Variants in CRYBB2 observed in about 807,000 individuals in gnomAD.
CRYBB2 encodes the protein beta-crystallin B2.
A neutral mutation model predicts 24.3 loss-of-function variants in CRYBB2; 12 were observed. The ratio of observed to expected loss-of-function variants is 0.49; its 90% CI spans 0.32 to 0.80. The LOEUF (loss-of-function observed/expected upper bound fraction) is 0.80, where lower values mean the gene tolerates loss of function less well. Ranked by LOEUF, CRYBB2 falls within the 30% of genes least tolerant of loss-of-function variation. CRYBB2 has a pLI of 0.04. For missense variants in CRYBB2, 198 were observed against 268.5 expected, an observed-to-expected ratio of 0.74 and a Z score of 1.83; for synonymous variants, 98 against 101.6, an observed-to-expected ratio of 0.96 and a Z score of 0.21.
At chr22:25,230,318 A>T (rs984849782) in intron 5 of CRYBB2, among the ~76,000 whole-genome samples, 1 of 150,220 alleles carries the variant, frequency 6.7e-6, no homozygotes, top group East Asian at 2.0e-4. Flanking sequence ...CACCAAGCTC[A>T]GCTGATTTTT....
At chr22:25,221,262 C>T (rs936398358) in intron 1 of CRYBB2, 142 bp from the exon 2 acceptor site, 15 of 660,972 alleles carry the variant, frequency 2.3e-5, no homozygotes, top group South Asian at 9.3e-5. Context: ...TAGCTGCTTA[C>T]GGACCCCACA....
At chr22:25,214,178 A>C (rs1266583230) in intron 1 of CRYBB2, among the ~76,000 whole-genome samples, 1 of 152,098 alleles carries the variant, frequency 6.6e-6, no homozygotes, top group Non-Finnish European at 1.5e-5. Flanking sequence ...ATCCCTAAAA[A>C]ATTTTTTTAA....
upstream of CRYBB2, among the ~76,000 whole-genome samples, chr22:25,212,170 C>T (rs1005191219): frequency 1.3e-5 from 2 of 152,236 alleles, no homozygotes; most frequent in Non-Finnish European, 2.9e-5. Context: ...AACAGACAGG[C>T]TTCCAGAGCT....
chr22:25,226,166 CTCTG>C (rs958175654), intron 3 of CRYBB2, among the ~76,000 whole-genome samples: 6 of 99,920 alleles, frequency 6.0e-5, no homozygotes, highest in South Asian at 4.1e-4. Flanking sequence ...ATTTGGATTT[CTCTG>C]TGTGTGTGTG....
chr22:25,212,043 G>T (rs1601412178), upstream of CRYBB2, among the ~76,000 whole-genome samples: 1 of 152,194 alleles, frequency 6.6e-6, no homozygotes, highest in Admixed American at 6.5e-5. Context: ...GTTGTTGCCG[G>T]TAGTAACCGG....
intron 1 of CRYBB2, among the ~76,000 whole-genome samples, chr22:25,220,642 G>A (rs1009843415): frequency 6.6e-6 from 1 of 152,180 alleles, no homozygotes; most frequent in Non-Finnish European, 1.5e-5. Context: ...GGGAGGCCAG[G>A]CTTCCTCTCT....
At chr22:25,214,370 A>T (rs1289285334) in intron 1 of CRYBB2, among the ~76,000 whole-genome samples, 1 of 152,192 alleles carries the variant, frequency 6.6e-6, no homozygotes, top group Non-Finnish European at 1.5e-5. Flanking sequence ...TTTTGAGATC[A>T]TAGGAACCTA....
chr22:25,216,247 C>T (rs1935168304), upstream of CRYBB2, among the ~76,000 whole-genome samples: 1 of 152,170 alleles, frequency 6.6e-6, no homozygotes, highest in Non-Finnish European at 1.5e-5. Flanking sequence ...AGAATGTGAC[C>T]TTCTATTTGG....
In CRYBB2 at chr22:25,221,188, G is replaced by A. The variant is rs376363153; in HGVS notation, c.-26-216G>A. Among the ~76,000 whole-genome samples the A allele has an allele frequency of 4.6e-5, 7 of 152,306 alleles. No homozygotes were observed. In the South Asian group the frequency reaches 6.2e-4, roughly 14 times the overall value. On this transcript the variant is annotated intron_variant, in intron 1 of 5. Coordinates refer to ENST00000398215, the MANE Select transcript of CRYBB2 (RefSeq NM_000496.3). ...TGCTCTCTTTCTTTGAGTAGACCTC[G>A]TTTTTCCCTCCTCCTGCAGCTGGCC...
intron 3 of CRYBB2, among the ~76,000 whole-genome samples, chr22:25,225,657 C>T (rs1935400122): frequency 6.6e-6 from 1 of 152,234 alleles, no homozygotes; most frequent in African/African-American, 2.4e-5. Context: ...CACAGTTTCT[C>T]TCGTCACTCC....
chr22:25,229,631 G>C, intron 5 of CRYBB2, 53 bp downstream of exon 5: 2 of 1,603,120 alleles, frequency 1.2e-6, no homozygotes, highest in Non-Finnish European at 1.7e-6. Flanking sequence ...GAGACTCTGG[G>C]GTCCTAAGTC....
chr22:25,224,770 G>A (rs1322226135), intron 2 of CRYBB2, 148 bp from the exon 3 acceptor site: 1 of 749,584 alleles, frequency 1.3e-6, no homozygotes, highest in Non-Finnish European at 2.5e-6. Context: ...GCCAGAGCCA[G>A]GGCTGTTTGA....
At chr22:25,218,212 T>C (rs1790519965), upstream of CRYBB2, among the ~76,000 whole-genome samples, 2 of 149,568 alleles carry the variant, frequency 1.3e-5, no homozygotes, top group South Asian at 2.1e-4. Flanking sequence ...TGAGCTGAGA[T>C]CGTGCCACTG....
chr22:25,218,794 G>GAAAAAGAAAGAAAT (rs1381162247), upstream of CRYBB2, among the ~76,000 whole-genome samples: 1 of 93,774 alleles, frequency 1.1e-5, no homozygotes, highest in Non-Finnish European at 2.1e-5. Context: ...AAGAAAGAAA[G>GAAAAAGAAAGAAAT]AAAGAAAGAA....
rs569713775 is a variant in CRYBB2, at chr22:25,225,264, G to A, written c.173+228G>A. On this transcript the variant is annotated intron_variant, in intron 3 of 5. Transcript: ENST00000398215. ...TTGGACCAGGACCTTCCCCCTCTGA[G>A]CCTCAGTTTCCTCCTCTGTAGGATG... Among the ~76,000 whole-genome samples the A allele has an allele frequency of 4.6e-5, 7 of 152,306 alleles. No homozygotes were observed. The South Asian group carries it at 1.2e-3, about 27-fold the overall frequency.
chr22:25,231,735 A>G lies in CRYBB2; in HGVS notation c.581A>G (p.Gln194Arg). Residue 194 changes from glutamine to arginine, a missense_variant, in exon 6 of 6, where the codon CAG becomes CGG. Physicochemically the swap from Gln to Arg is conservative, Grantham distance 43. Coordinates refer to ENST00000398215, the MANE Select transcript of CRYBB2 (RefSeq NM_000496.3). ...TCCGTGCGCCGTATCCGCGACATGC[A>G]GTGGCACCAACGTGGTGCCTTCCAC... ...VQSVRRIRDM[Q>R]WHQRGAFHPS... 1.2e-6 allele frequency: 2 copies of G among 1,614,150 alleles called. No individual in the cohort carries two copies. The highest frequency in any genetic ancestry group is 1.7e-6 in the Non-Finnish European group (2 of 1,180,020).
At chr22:25,218,341 G>C (rs536640275), upstream of CRYBB2, among the ~76,000 whole-genome samples, 39 of 150,800 alleles carry the variant, frequency 2.6e-4, 1 homozygote, top group Non-Finnish European at 5.0e-4. Context: ...AGGGATCTAA[G>C]AGCAACTCAC....
At chr22:25,213,179 C>G (rs1601412658) in intron 1 of CRYBB2, 1 of 152,208 alleles carries the variant, frequency 6.6e-6, no homozygotes, top group South Asian at 2.1e-4. Context: ...AGGGCTGTTA[C>G]AAAAAATTGT....
intron 2 of CRYBB2, among the ~76,000 whole-genome samples, chr22:25,223,402 G>A (rs1485599907): frequency 1.3e-5 from 2 of 152,152 alleles, no homozygotes. Context: ...TGGTCTCCCA[G>A]GCCAGGGTAA....
Sources: gnomAD v4.1 joint callset for allele counts (sites outside exome capture counted in the v4.1 genomes callset) on GRCh38, gnomAD v4.1.1 for gene constraint, MANE v1.5 for transcripts, NCBI Gene and HGNC (gene_info 2026-07-23, HGNC 2026-07-21) for gene names.